Variants in L3MBTL4 observed in about 807,000 individuals in gnomAD.
L3MBTL4 encodes L3MBTL histone methyl-lysine binding protein 4, also known as lethal(3)malignant brain tumor-like protein 4.
L3MBTL4 carries 70 observed loss-of-function variants against 84.5 expected under a neutral mutation model. The ratio of observed to expected loss-of-function variants is 0.83; its 90% confidence interval spans 0.68 to 1.01. The LOEUF (loss-of-function observed/expected upper bound fraction) is 1.01, where lower values mean the gene tolerates loss of function less well. Among genes scored for constraint, L3MBTL4 ranks in the 50% least tolerant of loss-of-function variants. L3MBTL4 has a pLI of 0.00. For missense variants in L3MBTL4, 715 were observed against 754.8 expected (o/e 0.95, Z 0.62); for synonymous variants, 274 against 259.8 (o/e 1.05, Z -0.52).
At chr18:6,252,749 G>A (rs1434195204) in intron 5 of L3MBTL4, among the ~76,000 whole-genome samples, 5 of 152,160 alleles carry the variant, frequency 3.3e-5, no homozygotes, top group African/African-American at 4.8e-5. Context: ...AGCAAAAGAT[G>A]CAAAAAATAT....
chr18:6,256,531 C>A (rs901630814), intron 5 of L3MBTL4, among the ~76,000 whole-genome samples: 1 of 151,102 alleles, frequency 6.6e-6, no homozygotes, highest in Non-Finnish European at 1.5e-5. Context: ...TAAAGTCTTT[C>A]TTTCTGAAAT....
chr18:6,048,197 T>C (rs914053611), intron 16 of L3MBTL4, among the ~76,000 whole-genome samples: 3 of 152,076 alleles, frequency 2.0e-5, no homozygotes, highest in Non-Finnish European at 4.4e-5. Flanking sequence ...AAGATCTCTA[T>C]AAAGAACTAC....
chr18:6,382,475 C>T (rs1326322777), intron 1 of L3MBTL4, among the ~76,000 whole-genome samples: 1 of 152,112 alleles, frequency 6.6e-6, no homozygotes, highest in Non-Finnish European at 1.5e-5. Context: ...ATTTATCTAC[C>T]TTTGGTCTTT....
intron 16 of L3MBTL4, chr18:6,029,402 T>C (rs1159642942): frequency 1.2e-5 from 11 of 893,580 alleles, no homozygotes; most frequent in Middle Eastern, 1.1e-3. Flanking sequence ...AGGTGACATG[T>C]TTATTTACCT....
chr18:6,005,241 G>T (rs1460327976), intron 16 of L3MBTL4, among the ~76,000 whole-genome samples: 1 of 151,760 alleles, frequency 6.6e-6, no homozygotes, highest in African/African-American at 2.4e-5. Flanking sequence ...AGCTACTCAG[G>T]AAGCTGAAGC....
chr18:6,211,516 C>T (rs1003530653), intron 12 of L3MBTL4, among the ~76,000 whole-genome samples: 3 of 152,088 alleles, frequency 2.0e-5, no homozygotes, highest in African/African-American at 4.8e-5. Flanking sequence ...ATTGCTTGCT[C>T]ATAAACTGGC....
intron 13 of L3MBTL4, among the ~76,000 whole-genome samples, chr18:6,140,060 A>T (rs909663138): frequency 6.6e-6 from 1 of 152,028 alleles, no homozygotes; most frequent in Non-Finnish European, 1.5e-5. Flanking sequence ...GGGCCACACA[A>T]ACAAAACCCT....
intron 1 of L3MBTL4, among the ~76,000 whole-genome samples, chr18:6,328,037 G>A (rs1423001849): frequency 6.6e-6 from 1 of 152,194 alleles, no homozygotes; most frequent in African/African-American, 2.4e-5. Flanking sequence ...CCTACTGTGT[G>A]CCAAGCACAT....
chr18:6,179,809 T>C (rs533157771), intron 12 of L3MBTL4, among the ~76,000 whole-genome samples: 1 of 152,236 alleles, frequency 6.6e-6, no homozygotes, highest in African/African-American at 2.4e-5. Flanking sequence ...TTATTTTATT[T>C]TGTTTTTTTG....
At chr18:5,967,910 T>C (rs1539806) in intron 17 of L3MBTL4, among the ~76,000 whole-genome samples, 19,562 of 152,260 alleles carry the variant, frequency 0.13, 2,243 homozygotes, top group African/African-American at 0.3. Flanking sequence ...GGGATTGTTG[T>C]AAGCTGGGCA....
At chr18:5,994,296 G>A (rs963868199) in intron 16 of L3MBTL4, among the ~76,000 whole-genome samples, 1 of 152,146 alleles carries the variant, frequency 6.6e-6, no homozygotes, top group Admixed American at 6.5e-5. Flanking sequence ...GCCTGTGTCC[G>A]TCTCACTTAC....
intron 13 of L3MBTL4, among the ~76,000 whole-genome samples, chr18:6,149,313 C>T (rs539208593): frequency 1.2e-3 from 189 of 151,218 alleles, no homozygotes; most frequent in South Asian, 1.5e-3. Context: ...GTTTTTTGTC[C>T]TTGCGATAGT....
intron 12 of L3MBTL4, among the ~76,000 whole-genome samples, chr18:6,212,743 C>T (rs932638988): frequency 6.6e-6 from 1 of 152,132 alleles, no homozygotes; most frequent in Non-Finnish European, 1.5e-5. Flanking sequence ...AAAGTCAAAA[C>T]AGCAAATCCA....
At chr18:6,366,158 T>A (rs1026546712) in intron 1 of L3MBTL4, among the ~76,000 whole-genome samples, 1 of 152,224 alleles carries the variant, frequency 6.6e-6, no homozygotes, top group African/African-American at 2.4e-5. Flanking sequence ...TGTCTAAAAT[T>A]TATAAACTTA....
At chr18:6,062,557 A>G (rs1358695623) in intron 16 of L3MBTL4, among the ~76,000 whole-genome samples, 2 of 151,954 alleles carry the variant, frequency 1.3e-5, no homozygotes, top group Non-Finnish European at 2.9e-5. Flanking sequence ...TATCATTTCA[A>G]ATATTTCTTC....
chr18:6,103,314 A>G (rs1306262500), intron 14 of L3MBTL4, among the ~76,000 whole-genome samples: 1 of 152,230 alleles, frequency 6.6e-6, no homozygotes, highest in Non-Finnish European at 1.5e-5. Context: ...CTTAGTATAT[A>G]CAAATTGTTT....
At chr18:6,002,830 A>C (rs997341081) in intron 16 of L3MBTL4, among the ~76,000 whole-genome samples, 1 of 151,850 alleles carries the variant, frequency 6.6e-6, no homozygotes, top group Non-Finnish European at 1.5e-5. Context: ...TGGAGGCAGT[A>C]AGTCCCTCCT....
chr18:6,248,118 C>G (rs2047763372), intron 5 of L3MBTL4, among the ~76,000 whole-genome samples: 1 of 152,102 alleles, frequency 6.6e-6, no homozygotes, highest in Non-Finnish European at 1.5e-5. Context: ...AGACTAATCC[C>G]CCCCCAAAAG....
chr18:6,217,819 T>G (rs928011840), intron 10 of L3MBTL4, among the ~76,000 whole-genome samples: 1 of 152,236 alleles, frequency 6.6e-6, no homozygotes, highest in African/African-American at 2.4e-5. Context: ...TACTAAAAAT[T>G]ATATTGCCAC....
Sources: gnomAD v4.1 joint callset for allele counts (sites outside exome capture counted in the v4.1 genomes callset) on GRCh38, gnomAD v4.1.1 for gene constraint, MANE v1.5 for transcripts, NCBI Gene and HGNC (gene_info 2026-07-23, HGNC 2026-07-21) for gene names.